The following PPARGC1A variants were observed in gnomAD, a reference collection of about 807,000 sequenced individuals.
PPARGC1A encodes the protein PPARG coactivator 1 alpha.
Under a neutral mutation model 88.7 loss-of-function variants are expected in PPARGC1A, and 25 were observed. That is an observed-to-expected ratio of 0.28 (90% confidence interval 0.21 to 0.39). PPARGC1A has a LOEUF of 0.39. PPARGC1A is among the 10% of genes least tolerant of loss of function. The pLI is 1.00. For missense variants in PPARGC1A, 880 were observed against 968.7 expected (o/e 0.91, Z 1.22); for synonymous variants, 363 against 355.6 (o/e 1.02, Z -0.24).
chr4:23,931,779 G>C, the PPARGC1A span, among the ~76,000 whole-genome samples: 2 of 152,182 alleles, frequency 1.3e-5, no homozygotes, highest in Non-Finnish European at 1.5e-5. Context: ...GCTAACAAGT[G>C]GTAGGTGCTC....
the PPARGC1A span, among the ~76,000 whole-genome samples, chr4:24,201,905 A>AT: frequency 2.2e-3 from 312 of 141,492 alleles, 1 homozygote; most frequent in Middle Eastern, 0.011. Context: ...TGGTTATATC[A>AT]TTTTTTTTTT....
the PPARGC1A span, among the ~76,000 whole-genome samples, chr4:24,449,200 C>T: frequency 2.0e-5 from 3 of 152,162 alleles, no homozygotes; most frequent in African/African-American, 7.2e-5. Flanking sequence ...CCCTCACTCT[C>T]CATGAACTGC....
intron 4 of PPARGC1A, 36 bp downstream of exon 4, chr4:23,829,427 T>C (rs1371991778): frequency 6.2e-7 from 1 of 1,606,502 alleles, no homozygotes; most frequent in Non-Finnish European, 8.5e-7. Flanking sequence ...AATCCTTTGG[T>C]ACATCCCCCC....
rs1560429437 is a variant in PPARGC1A at position 23,844,808 on chromosome 4, T to TATAATATATGATATATATTATA, written c.235-13058_235-13057insTATAATATATATCATATATTAT. Reference sequence around the variant, plus strand: ...TATAATAATATATGATATATATTATTATAATATATGATATATATTATTATA... The same window carrying TATAATATATGATATATATTATA: ...TATAATAATATATGATATATATTATTATAATATATGATATATATTATAATAATATATGATATATATTATTATA... On this transcript the variant is annotated intron_variant, in intron 2 of 12. Coordinates refer to ENST00000264867, the MANE Select transcript of PPARGC1A (RefSeq NM_013261.5). Among the ~76,000 whole-genome samples, 153 of 50,582 alleles carry TATAATATATGATATATATTATA rather than the reference T, an allele frequency of 3.0e-3. 2 individuals carry two copies. The highest frequency in any genetic ancestry group is 9.4e-3 in the African/African-American group (130 of 13,788). The allele number at this position is 50,582 out of a possible 152,430, so 33.2% of individuals were successfully genotyped here.
In PPARGC1A at chr4:23,859,811, A is replaced by G. The variant is rs978753472; in HGVS notation, c.234+24941T>C. ...AAAATAAAATAAAATAAAATAAAAT[A>G]AAATAAAATAAAATAAAATAAAATA... On this transcript the variant is annotated intron_variant, in intron 2 of 12. Transcript: ENST00000264867. Among the ~76,000 whole-genome samples, 103 of 67,142 alleles carry G rather than the reference A, an allele frequency of 1.5e-3. No homozygotes were observed. In the South Asian group the frequency reaches 0.018, roughly 12 times the overall value. The allele number at this position is 67,142 out of a possible 152,430, so 44.0% of individuals were successfully genotyped here.
chr4:24,031,160 A>G, the PPARGC1A span, among the ~76,000 whole-genome samples: 1 of 152,200 alleles, frequency 6.6e-6, no homozygotes, highest in Non-Finnish European at 1.5e-5. Context: ...GGCACACCAC[A>G]GATGCTCCAT....
the PPARGC1A span, among the ~76,000 whole-genome samples, chr4:23,981,601 C>A: frequency 6.6e-6 from 1 of 152,102 alleles, no homozygotes; most frequent in Non-Finnish European, 1.5e-5. Flanking sequence ...TTTCACAGTA[C>A]AGAAAGGGAG....
chr4:24,096,657 G>A, the PPARGC1A span, among the ~76,000 whole-genome samples: 13 of 152,144 alleles, frequency 8.5e-5, no homozygotes, highest in East Asian at 1.2e-3. Flanking sequence ...CTTTCAGTAC[G>A]TCAGGAGTGT....
the PPARGC1A span, among the ~76,000 whole-genome samples, chr4:24,265,194 G>A: frequency 6.6e-6 from 1 of 152,178 alleles, no homozygotes; most frequent in Non-Finnish European, 1.5e-5. Context: ...TGGTTCTGAT[G>A]TGGTCTAGTG....
Position 23,792,131 on chromosome 4 carries a change from A to T in PPARGC1A, c.*3691T>A, listed in dbSNP as rs543408932. ...ACAATGAATAAAACCACAACAATAC[A>T]TGTAGAATTGGCAGGTGGAAAAAAG... On this transcript the variant is annotated 3_prime_UTR_variant, in exon 13 of 13. Transcript: ENST00000264867. The T allele has an allele frequency of 2.0e-5, 3 of 152,728 alleles. No homozygotes were observed. Among genetic ancestry groups the T allele is most frequent in the African/African-American group, 7.2e-5 (3 of 41,576 alleles). The allele number at this position is 152,728 out of a possible 1,614,324, so 9.5% of individuals were successfully genotyped here.
the PPARGC1A span, among the ~76,000 whole-genome samples, chr4:24,195,345 A>C: frequency 6.6e-6 from 1 of 152,328 alleles, no homozygotes; most frequent in East Asian, 1.9e-4. Flanking sequence ...GTAACCCTCA[A>C]ATGGTTGCAA....
chr4:24,402,013 C>A, the PPARGC1A span, among the ~76,000 whole-genome samples: 1 of 152,190 alleles, frequency 6.6e-6, no homozygotes, highest in Non-Finnish European at 1.5e-5. Flanking sequence ...AAATACAGCA[C>A]CCACTCCGCG....
chr4:24,472,345 G>A, the PPARGC1A span, among the ~76,000 whole-genome samples: 2 of 151,098 alleles, frequency 1.3e-5, no homozygotes, highest in East Asian at 2.0e-4. The surrounding 1 kb of genome is among the most constrained non-coding windows in gnomAD (Gnocchi z 4.5). Context: ...CAAGGGGCGC[G>A]ACGCCGCCCG....
upstream of PPARGC1A, among the ~76,000 whole-genome samples, chr4:23,893,682 A>G (rs1462237852): frequency 1.3e-5 from 2 of 152,180 alleles, no homozygotes; most frequent in African/African-American, 4.8e-5. Context: ...AGTTTGCTGA[A>G]TACAGTTCAT....
At chr4:24,282,404 G>A in the PPARGC1A span, among the ~76,000 whole-genome samples, 1 of 152,208 alleles carries the variant, frequency 6.6e-6, no homozygotes, top group Non-Finnish European at 1.5e-5. Context: ...TTTAGGGGTT[G>A]GAGTGTGTGG....
the PPARGC1A span, among the ~76,000 whole-genome samples, chr4:24,125,939 G>A: frequency 1.3e-5 from 2 of 152,294 alleles, no homozygotes; most frequent in African/African-American, 2.4e-5. Flanking sequence ...CTAAGAAGAG[G>A]ATGGGCTCAA....
chr4:23,867,432 G>C (rs1016362234), intron 2 of PPARGC1A, among the ~76,000 whole-genome samples: 3 of 152,324 alleles, frequency 2.0e-5, no homozygotes, highest in South Asian at 4.1e-4. Context: ...CTCTGCATTA[G>C]AGCATCCTGC....
At chr4:24,384,477 C>G in the PPARGC1A span, among the ~76,000 whole-genome samples, 2 of 147,318 alleles carry the variant, frequency 1.4e-5, no homozygotes, top group Non-Finnish European at 3.0e-5. Flanking sequence ...GTGCTGTATT[C>G]AGGAGACCCA....
At chr4:24,451,726 C>T in the PPARGC1A span, among the ~76,000 whole-genome samples, 6 of 152,220 alleles carry the variant, frequency 3.9e-5, no homozygotes, top group African/African-American at 9.6e-5. Flanking sequence ...TACAGGCACA[C>T]GCCACCACAC....
Sources: allele counts gnomAD v4.1 joint callset (sites outside exome capture counted in the v4.1 genomes callset), GRCh38; gene constraint gnomAD v4.1.1; non-coding constraint Gnocchi (gnomAD v3.1); transcripts MANE v1.5; gene names NCBI Gene and HGNC (gene_info 2026-07-23, HGNC 2026-07-21).